Variants in NEMP2 observed in about 807,000 individuals in gnomAD.
NEMP2 encodes the protein UPF0571 transmembrane protein.
In NEMP2, 53 loss-of-function variants were observed where a neutral mutation model predicts 54.2. The observed-to-expected ratio is 0.98, with a 90% CI of 0.78 to 1.23. NEMP2 has a LOEUF of 1.23. Ranked by LOEUF, NEMP2 falls within the 50% of genes most tolerant of loss-of-function variation. The pLI, the probability that NEMP2 is intolerant of heterozygous loss-of-function variation, is 0.00. For synonymous variants in NEMP2, 197 were observed against 190.3 expected, an observed-to-expected ratio of 1.04 and a Z score of -0.29; for missense variants, 455 against 511.3, an observed-to-expected ratio of 0.89 and a Z score of 1.06.
chr2:190,548,748 A>C, the NEMP2 span, among the ~76,000 whole-genome samples: 2 of 152,364 alleles, frequency 1.3e-5, no homozygotes, highest in African/African-American at 4.8e-5. Context: ...TTAGAAAGCT[A>C]TACAAAAATA....
chr2:190,532,912 ATTC>A, intron 1 of NEMP2, among the ~76,000 whole-genome samples: 1 of 152,330 alleles, frequency 6.6e-6, no homozygotes, highest in Middle Eastern at 3.4e-3. Context: ...AAAAGTTGCC[ATTC>A]TTCTTAGCTG....
chr2:190,522,756 G>A lies in NEMP2; in HGVS notation c.213+2507C>T, dbSNP rs550071707. ...TCTCCATGATAAAACTTTGGTCTCCGCAATTACTTATGATAACCCAGACAT... is the reference window on the plus strand; with the variant it reads ...TCTCCATGATAAAACTTTGGTCTCCACAATTACTTATGATAACCCAGACAT... On this transcript the variant is annotated intron_variant, in intron 2 of 8. Coordinates refer to ENST00000409150, the MANE Select transcript of NEMP2 (RefSeq NM_001142645.2). The surrounding 1 kb of genome is among the most constrained non-coding windows in gnomAD (Gnocchi z 5.0). Among the ~76,000 whole-genome samples, 8 of 152,112 alleles carry A rather than the reference G, an allele frequency of 5.3e-5. No homozygotes were observed. The highest frequency in any genetic ancestry group is 2.1e-4 in the South Asian group (1 of 4,826).
downstream of NEMP2, chr2:190,501,836 T>C (rs1360344923): frequency 6.5e-6 from 1 of 152,694 alleles, no homozygotes; most frequent in Admixed American, 6.5e-5. Flanking sequence ...ATGACTCATT[T>C]TAAGTGACCT....
the NEMP2 span, among the ~76,000 whole-genome samples, chr2:190,421,434 T>C: frequency 6.6e-6 from 1 of 152,188 alleles, no homozygotes; most frequent in African/African-American, 2.4e-5. Context: ...CTTTCTCAGT[T>C]TTTATTTTTA....
At chr2:190,423,402 T>G in the NEMP2 span, among the ~76,000 whole-genome samples, 88 of 152,368 alleles carry the variant, frequency 5.8e-4, no homozygotes, top group Non-Finnish European at 1.0e-3. This position sits in a 1 kb window ranked among gnomAD's most constrained non-coding sequence, Gnocchi z 4.3. Context: ...TGTTTTGAGA[T>G]AGGATTTTTT....
At chr2:190,462,363 G>A in the NEMP2 span, among the ~76,000 whole-genome samples, 2 of 152,186 alleles carry the variant, frequency 1.3e-5, no homozygotes, top group African/African-American at 4.8e-5. The surrounding 1 kb of genome is among the most constrained non-coding windows in gnomAD (Gnocchi z 5.7). Context: ...ACAGTGAATG[G>A]TGGATCCCAC....
At chr2:190,538,422 C>T (rs530011084), upstream of NEMP2, among the ~76,000 whole-genome samples, 2 of 152,188 alleles carry the variant, frequency 1.3e-5, no homozygotes, top group South Asian at 4.1e-4. This position sits in a 1 kb window ranked among gnomAD's most constrained non-coding sequence, Gnocchi z 4.1. Flanking sequence ...GTGAATAGTG[C>T]TTCAGTAAAC....
At chr2:190,431,689 C>T in the NEMP2 span, among the ~76,000 whole-genome samples, 2 of 142,198 alleles carry the variant, frequency 1.4e-5, no homozygotes, top group Admixed American at 6.8e-5. This position sits in a 1 kb window ranked among gnomAD's most constrained non-coding sequence, Gnocchi z 4.4. Flanking sequence ...TCAGGGAGAC[C>T]GTGGAAAGAG....
chr2:190,519,046 T>C lies in NEMP2; in HGVS notation c.351A>G (p.Ile117Met), dbSNP rs1690663489. The C allele has an allele frequency of 6.4e-7, 1 of 1,551,348 alleles. No individual in the cohort carries two copies. The highest frequency in any genetic ancestry group is 8.7e-7 in the Non-Finnish European group (1 of 1,146,918). The change falls in exon 3 of 9, where the codon ATA becomes ATG. Residue 117 changes from isoleucine to methionine, a missense_variant. Ile to Met is a conservative substitution (Grantham distance 10, BLOSUM62 1). This residue lies in a region of NEMP2 where 61 missense variants were observed against 97.5 expected (regional missense o/e 0.63). Coordinates refer to ENST00000409150, the MANE Select transcript of NEMP2 (RefSeq NM_001142645.2). This position sits in a 1 kb window ranked among gnomAD's most constrained non-coding sequence, Gnocchi z 5.4. Reference sequence around the variant, plus strand: ...CCCTGTATGGATTGATGATTATGGTTATTTCGTTAGATTCCTTTGGTATCC... The same window carrying C: ...CCCTGTATGGATTGATGATTATGGTCATTTCGTTAGATTCCTTTGGTATCC... ...NFWIPKESNE[I>M]TIIINPYRET...
chr2:190,469,532 G>A, the NEMP2 span: 1 of 234,242 alleles, frequency 4.3e-6, no homozygotes, highest in Non-Finnish European at 8.1e-6. This position sits in a 1 kb window ranked among gnomAD's most constrained non-coding sequence, Gnocchi z 5.3. Flanking sequence ...GCTGAGGGCA[G>A]ATATGTTAGA....
rs910555378 is a variant in NEMP2, at chr2:190,509,612, T to A, written c.1131-300A>T. Among the ~76,000 whole-genome samples, 1 of 152,260 alleles carries A rather than the reference T, an allele frequency of 6.6e-6. No individual in the cohort carries two copies. The highest frequency in any genetic ancestry group is 2.4e-5 in the African/African-American group (1 of 41,470). On this transcript the variant is annotated intron_variant, in intron 8 of 8. Transcript: ENST00000409150. This position sits in a 1 kb window ranked among gnomAD's most constrained non-coding sequence, Gnocchi z 6.1. Reference sequence around the variant, plus strand: ...TTTTTTATTAGTTTGAATTTATTATTATTCATTATTTTGTTTCAAATACTT... The same window carrying A: ...TTTTTTATTAGTTTGAATTTATTATAATTCATTATTTTGTTTCAAATACTT...
intron 5 of NEMP2, 109 bp from the exon 6 acceptor site, chr2:190,516,493 T>C (rs1027213645): frequency 5.1e-6 from 4 of 789,722 alleles, no homozygotes; most frequent in African/African-American, 3.5e-5. Flanking sequence ...TCAAACTGAT[T>C]TGAAGTCAAT....
the NEMP2 span, chr2:190,608,425 T>C: frequency 6.6e-6 from 1 of 152,214 alleles, no homozygotes; most frequent in Non-Finnish European, 1.5e-5. This position sits in a 1 kb window ranked among gnomAD's most constrained non-coding sequence, Gnocchi z 4.9. Flanking sequence ...GAAAAATATA[T>C]TTGTGCTGGT....
the NEMP2 span, among the ~76,000 whole-genome samples, chr2:190,482,916 A>C: frequency 4.9e-5 from 4 of 81,622 alleles, no homozygotes; most frequent in African/African-American, 1.9e-4. Context: ...ACGGAGTCTC[A>C]CTCTGTCGCC....
the NEMP2 span, among the ~76,000 whole-genome samples, chr2:190,631,058 T>G: frequency 6.6e-6 from 1 of 151,576 alleles, no homozygotes; most frequent in South Asian, 2.1e-4. Flanking sequence ...AAAATGATAA[T>G]ACTACTTTGC....
rs1690457497 is a variant in NEMP2, at chr2:190,513,855, A to G, written c.953+598T>C. ...AAATGTATGCCTATGTCTAGCAAGT[A>G]TACCTCAAGGGCAAGAACCATCTCC... is the stretch of plus-strand genomic sequence containing the variant. On this transcript the variant is annotated intron_variant, in intron 7 of 8. Coordinates refer to ENST00000409150, the MANE Select transcript of NEMP2 (RefSeq NM_001142645.2). This position sits in a 1 kb window ranked among gnomAD's most constrained non-coding sequence, Gnocchi z 5.3. Among the ~76,000 whole-genome samples the G allele has an allele frequency of 2.0e-5, 3 of 152,228 alleles. No homozygotes were observed.
At chr2:190,635,538 C>G in the NEMP2 span, among the ~76,000 whole-genome samples, 1 of 152,170 alleles carries the variant, frequency 6.6e-6, no homozygotes, top group African/African-American at 2.4e-5. The surrounding 1 kb of genome is among the most constrained non-coding windows in gnomAD (Gnocchi z 4.1). Flanking sequence ...TTTTGGTCAA[C>G]TTGATCAACA....
At chr2:190,495,441 T>A in the NEMP2 span, among the ~76,000 whole-genome samples, 1 of 151,990 alleles carries the variant, frequency 6.6e-6, no homozygotes, top group East Asian at 1.9e-4. This position sits in a 1 kb window ranked among gnomAD's most constrained non-coding sequence, Gnocchi z 4.7. Context: ...ATCTACAAAT[T>A]CAATGCAATT....
the NEMP2 span, among the ~76,000 whole-genome samples, chr2:190,422,959 A>C: frequency 0.18 from 28,012 of 151,888 alleles, 2,687 homozygotes; most frequent in East Asian, 0.29. Flanking sequence ...CAAAGTCAAC[A>C]CTTCATGAAA....
Sources: gnomAD v4.1 joint callset for allele counts (sites outside exome capture counted in the v4.1 genomes callset) on GRCh38, gnomAD v4.1.1 for gene constraint, gnomAD v4.1.1 regional missense constraint, Gnocchi (gnomAD v3.1) non-coding constraint, MANE v1.5 for transcripts, NCBI Gene and HGNC (gene_info 2026-07-23, HGNC 2026-07-21) for gene names.